ZNF654: variants seen among roughly 807,000 people sequenced by gnomAD.
ZNF654 encodes the protein zinc finger protein 654.
A neutral mutation model predicts 95.3 loss-of-function variants in ZNF654; 19 were observed. The observed-to-expected ratio is 0.20, with a 90% CI of 0.14 to 0.29. The LOEUF (loss-of-function observed/expected upper bound fraction) is 0.29. Ranked by LOEUF, ZNF654 falls within the 10% of genes least tolerant of loss-of-function variation. The probability of loss-of-function intolerance (pLI) is 1.00; values close to 1 mark genes in which losing one functional copy is unlikely to be tolerated. For synonymous variants in ZNF654, 413 were observed against 457.9 expected, an observed-to-expected ratio of 0.90 and a Z score of 1.25; for missense variants, 1,046 against 1,341.0, an observed-to-expected ratio of 0.78 and a Z score of 3.44.
At chr3:88,113,649 A>G (rs779696698) in intron 3 of ZNF654, among the ~76,000 whole-genome samples, 3 of 152,118 alleles carry the variant, frequency 2.0e-5, no homozygotes, top group Non-Finnish European at 2.9e-5. Flanking sequence ...TCAGATGGGA[A>G]TGACAAAAGA....
chr3:88,124,991 G>A (rs1047922932), intron 3 of ZNF654, among the ~76,000 whole-genome samples: 10 of 151,916 alleles, frequency 6.6e-5, no homozygotes, highest in African/African-American at 2.4e-4. Context: ...CGAGGCAGGC[G>A]GATCATGAGG....
At chr3:88,075,108 C>G (rs1196166534) in intron 1 of ZNF654, among the ~76,000 whole-genome samples, 2 of 152,086 alleles carry the variant, frequency 1.3e-5, no homozygotes, top group Admixed American at 6.5e-5. Flanking sequence ...TTGATGTTTC[C>G]TACTTTATAT....
chr3:88,083,697 T>A (rs1227531616), intron 1 of ZNF654, among the ~76,000 whole-genome samples: 1 of 135,350 alleles, frequency 7.4e-6, no homozygotes, highest in Non-Finnish European at 1.6e-5. Context: ...AGAACTGTAG[T>A]AAGAGTGGGT....
chr3:88,075,490 C>G (rs578253200), intron 1 of ZNF654, among the ~76,000 whole-genome samples: 1 of 152,178 alleles, frequency 6.6e-6, no homozygotes, highest in Non-Finnish European at 1.5e-5. Flanking sequence ...AGTGGAACTA[C>G]TTTTGTTGTT....
Position 88,143,058 on chromosome 3 carries a change from C to T in ZNF654, c.*1406C>T, listed in dbSNP as rs1707204393. On this transcript the variant is annotated 3_prime_UTR_variant, in exon 9 of 9. Transcript: ENST00000636215. Reference sequence around the variant, plus strand: ...AACAGATCTCCTAATGTCCCAATGTCAAATATTCCAGTTATTCTAAATAAT... The same window carrying T: ...AACAGATCTCCTAATGTCCCAATGTTAAATATTCCAGTTATTCTAAATAAT... 1 of 152,180 alleles carries T rather than the reference C, an allele frequency of 6.6e-6. No homozygotes were observed. The allele number at this position is 152,180 out of a possible 1,614,324, so 9.4% of individuals were successfully genotyped here. A position where few individuals can be genotyped will look rare whatever the true frequency, so the allele number is the denominator to read the frequency against.
At chr3:88,114,337 C>T (rs1252695943) in intron 3 of ZNF654, among the ~76,000 whole-genome samples, 1 of 152,130 alleles carries the variant, frequency 6.6e-6, no homozygotes, top group African/African-American at 2.4e-5. Context: ...ATGGGAACCA[C>T]TGAAATGTTT....
chr3:88,122,804 G>T (rs969471621), intron 3 of ZNF654, among the ~76,000 whole-genome samples: 22 of 152,132 alleles, frequency 1.4e-4, no homozygotes, highest in Middle Eastern at 3.4e-3. Context: ...GAGGTGAGGA[G>T]TTCGATACCA....
intron 1 of ZNF654, among the ~76,000 whole-genome samples, chr3:88,085,609 T>C (rs565818878): frequency 6.6e-6 from 1 of 152,330 alleles, no homozygotes; most frequent in African/African-American, 2.4e-5. Flanking sequence ...TGTTTTCTCA[T>C]AAATTACCCC....
intron 2 of ZNF654, among the ~76,000 whole-genome samples, chr3:88,102,606 A>G (rs1177512343): frequency 6.6e-6 from 1 of 152,200 alleles, no homozygotes; most frequent in Non-Finnish European, 1.5e-5. Flanking sequence ...CTAAAATAGT[A>G]TCTGGCAATT....
chr3:88,092,872 A>G (rs1051463067), intron 2 of ZNF654, among the ~76,000 whole-genome samples: 10 of 152,170 alleles, frequency 6.6e-5, no homozygotes, highest in Non-Finnish European at 1.0e-4. Context: ...TCTGCCTTCT[A>G]TCAGCTGGGA....
intron 4 of ZNF654, 34 bp from the exon 5 acceptor site, chr3:88,128,775 G>A: frequency 3.6e-6 from 5 of 1,394,478 alleles, no homozygotes; most frequent in Non-Finnish European, 4.8e-6. Flanking sequence ...ATCTTTTCTT[G>A]AGAGTAATAG....
chr3:88,067,037 C>G (rs1253508762), intron 1 of ZNF654, among the ~76,000 whole-genome samples: 1 of 152,142 alleles, frequency 6.6e-6, no homozygotes, highest in Non-Finnish European at 1.5e-5. Context: ...TCTCTACTGT[C>G]AACTTTTCAA....
chr3:88,108,219 A>G (rs928373096), intron 2 of ZNF654, among the ~76,000 whole-genome samples: 2 of 150,138 alleles, frequency 1.3e-5, no homozygotes, highest in African/African-American at 4.9e-5. Context: ...TTTTTTTCCT[A>G]TTTCTACTTA....
intron 6 of ZNF654, among the ~76,000 whole-genome samples, chr3:88,131,722 A>G (rs1198778533): frequency 6.6e-6 from 1 of 152,048 alleles, no homozygotes; most frequent in East Asian, 1.9e-4. Context: ...TTCCTTCTAA[A>G]TAGCGTGGGT....
intron 1 of ZNF654, among the ~76,000 whole-genome samples, chr3:88,066,314 C>T (rs569809893): frequency 1.3e-5 from 2 of 152,314 alleles, no homozygotes; most frequent in Admixed American, 6.5e-5. Flanking sequence ...TGGCTCACAC[C>T]TGTAATTCCA....
At chr3:88,094,831 A>T (rs1379088176) in intron 2 of ZNF654, among the ~76,000 whole-genome samples, 1 of 152,028 alleles carries the variant, frequency 6.6e-6, no homozygotes, top group Admixed American at 6.6e-5. Context: ...TTTGATTTAT[A>T]GAACTAGACT....
At chr3:88,107,044 C>A (rs73132512) in intron 2 of ZNF654, among the ~76,000 whole-genome samples, 10,292 of 152,180 alleles carry the variant, frequency 0.068, 478 homozygotes, top group Non-Finnish European at 0.1. Context: ...CTTTTCATTT[C>A]TCTTGTTTCA....
chr3:88,135,747 A>G (rs999448699), intron 7 of ZNF654, among the ~76,000 whole-genome samples: 1 of 152,112 alleles, frequency 6.6e-6, no homozygotes, highest in Non-Finnish European at 1.5e-5. Flanking sequence ...ACAATCCTAC[A>G]TGAGTCTTAC....
chr3:88,060,207 G>C (rs1242421934), intron 1 of ZNF654, among the ~76,000 whole-genome samples: 1 of 151,736 alleles, frequency 6.6e-6, no homozygotes, highest in Non-Finnish European at 1.5e-5. Context: ...CTCTTGCTCC[G>C]GTTAACATCA....
Sources: allele counts gnomAD v4.1 joint callset (sites outside exome capture counted in the v4.1 genomes callset), GRCh38; gene constraint gnomAD v4.1.1; transcripts MANE v1.5; gene names NCBI Gene and HGNC (gene_info 2026-07-23, HGNC 2026-07-21).